The following COL6A5 variants were observed in gnomAD, a reference collection of about 807,000 sequenced individuals.
COL6A5 encodes the protein collagen type VI alpha 5 chain, also known as collagen alpha-5(VI) chain.
Under a neutral mutation model 65.6 loss-of-function variants are expected in COL6A5, and 48 were observed. The ratio of observed to expected loss-of-function variants is 0.73; its 90% CI spans 0.58 to 0.93. COL6A5 has a LOEUF of 0.93. Among genes scored for constraint, COL6A5 ranks in the 40% least tolerant of loss-of-function variants. The pLI is 0.00. For synonymous variants in COL6A5, 291 were observed against 322.8 expected (o/e 0.90, Z 1.05); for missense variants, 914 against 928.3 (o/e 0.98, Z 0.20).
chr3:130,419,724 A>G (rs928540328), intron 25 of COL6A5, among the ~76,000 whole-genome samples: 1 of 152,172 alleles, frequency 6.6e-6, no homozygotes, highest in African/African-American at 2.4e-5. Context: ...AGTCAAAATC[A>G]TAGAAACAGA....
chr3:130,443,979 A>G (rs1709247953), intron 4 of COL6A5, among the ~76,000 whole-genome samples: 1 of 152,134 alleles, frequency 6.6e-6, no homozygotes, highest in South Asian at 2.1e-4. Context: ...AACCCTAGGC[A>G]TCTTTCATGA....
chr3:130,452,571 C>T (rs1056411304), intron 4 of COL6A5, among the ~76,000 whole-genome samples: 1 of 152,092 alleles, frequency 6.6e-6, no homozygotes, highest in African/African-American at 2.4e-5. Flanking sequence ...ACAGAGATCA[C>T]GTACTTCACA....
chr3:130,440,521 C>T (rs756348433), exon 3 of COL6A5: 3 of 1,613,654 alleles, frequency 1.9e-6, no homozygotes, highest in Non-Finnish European at 2.5e-6. Flanking sequence ...TTGGTCGTGC[C>T]CTACTGTGGA....
chr3:130,367,995 A>ATTCT (rs1188551166), intron 1 of COL6A5, among the ~76,000 whole-genome samples: 2 of 152,178 alleles, frequency 1.3e-5, no homozygotes, highest in Non-Finnish European at 2.9e-5. Context: ...CACTTCTCAG[A>ATTCT]TTCTTTACCC....
chr3:130,440,454 T>G (rs924628087), exon 3 of COL6A5: 8 of 1,613,582 alleles, frequency 5.0e-6, no homozygotes, highest in Non-Finnish European at 6.8e-6. Context: ...GACAACCAAC[T>G]CCTAATGAAG....
intron 4 of COL6A5, among the ~76,000 whole-genome samples, chr3:130,453,134 A>G (rs1372517414): frequency 1.3e-5 from 2 of 152,148 alleles, no homozygotes; most frequent in Non-Finnish European, 2.9e-5. Flanking sequence ...CTGAGGTGAC[A>G]TACATCCTCC....
chr3:130,473,276 C>A (rs186265737), intron 7 of COL6A5, among the ~76,000 whole-genome samples: 4 of 151,934 alleles, frequency 2.6e-5, no homozygotes, highest in Non-Finnish European at 5.9e-5. Context: ...CATGAGTTTC[C>A]CATTTTCCTT....
exon 5 of COL6A5, chr3:130,385,083 A>G: frequency 6.4e-7 from 1 of 1,551,008 alleles, no homozygotes; most frequent in Non-Finnish European, 8.7e-7. Flanking sequence ...GCTCTGGATT[A>G]CATACTGCAA....
At chr3:130,421,663 G>T (rs1036381421) in intron 27 of COL6A5, among the ~76,000 whole-genome samples, 7 of 151,840 alleles carry the variant, frequency 4.6e-5, no homozygotes, top group Non-Finnish European at 1.0e-4. Flanking sequence ...CAATACTCTT[G>T]GCTTTGGTTA....
chr3:130,458,406 G>A (rs1378777903), intron 5 of COL6A5, among the ~76,000 whole-genome samples: 1 of 152,072 alleles, frequency 6.6e-6, no homozygotes, highest in South Asian at 2.1e-4. Flanking sequence ...GGTTCTCAAA[G>A]TGTTGTTCCT....
At position 130,379,734 on chromosome 3, in the gene COL6A5, G is replaced by T. The variant is rs763135675; in HGVS notation, c.984G>T (p.Glu328Asp). Residue 328 changes from glutamate (E) to aspartate (D), a missense_variant and NMD_transcript_variant, in exon 4 of 42, where the codon GAG becomes GAT. Coordinates refer to the COL6A5 transcript ENST00000312481. ...AGATGAGAAGAGACGGCTTCTCAGA[G>T]TCATATGGCAGCAGAAGAGCACAAG... is the stretch of plus-strand genomic sequence containing the variant. 24 of 1,551,334 alleles carry T rather than the reference G, an allele frequency of 1.5e-5. No individual in the cohort carries two copies. The South Asian group carries it at 2.7e-4, about 18-fold the overall frequency.
chr3:130,389,184 T>G (rs1225916278), intron 6 of COL6A5, 50 bp downstream of exon 6: 1 of 1,241,466 alleles, frequency 8.1e-7, no homozygotes, highest in Non-Finnish European at 1.0e-6. Context: ...GCTGTTGACT[T>G]TATAATGAGA....
chr3:130,377,678 C>T (rs1485829321), intron 3 of COL6A5, among the ~76,000 whole-genome samples: 2 of 152,176 alleles, frequency 1.3e-5, no homozygotes, highest in Non-Finnish European at 2.9e-5. Flanking sequence ...TGAGTTCAAA[C>T]CCTGGCTTGG....
exon 1 of COL6A5, chr3:130,431,650 T>C: frequency 6.4e-7 from 1 of 1,551,502 alleles, no homozygotes; most frequent in Non-Finnish European, 8.7e-7. Flanking sequence ...AGGCACCAGC[T>C]ATCTCATCCG....
chr3:130,431,948 G>A (rs1937835764), exon 1 of COL6A5: 1 of 1,547,846 alleles, frequency 6.5e-7, no homozygotes, highest in South Asian at 1.2e-5. Flanking sequence ...GAAGCTTTTG[G>A]GGTAAGAATT....
exon 8 of COL6A5, chr3:130,395,125 C>G (rs980202104): frequency 4.5e-6 from 7 of 1,551,636 alleles, no homozygotes; most frequent in Non-Finnish European, 6.1e-6. Flanking sequence ...AGAATGTCTC[C>G]AAGAGCGGTG....
chr3:130,412,079 T>C (rs557637213), intron 20 of COL6A5, among the ~76,000 whole-genome samples: 1 of 152,174 alleles, frequency 6.6e-6, no homozygotes, highest in Admixed American at 6.5e-5. Context: ...GTTTTACCCG[T>C]TGTTCCCAAA....
intron 14 of COL6A5, 105 bp from the exon 15 acceptor site, chr3:130,405,888 C>A: frequency 2.6e-6 from 3 of 1,142,862 alleles, no homozygotes; most frequent in East Asian, 2.6e-5. Flanking sequence ...AGATGTATAG[C>A]CCGAAGCGAC....
upstream of COL6A5, among the ~76,000 whole-genome samples, chr3:130,430,899 C>T (rs1356917961): frequency 1.3e-5 from 2 of 152,128 alleles, no homozygotes; most frequent in Non-Finnish European, 2.9e-5. Flanking sequence ...GCATGCATTT[C>T]ACAGTGAATG....
Sources: gnomAD v4.1 joint callset for allele counts (sites outside exome capture counted in the v4.1 genomes callset) on GRCh38, gnomAD v4.1.1 for gene constraint, MANE v1.5 for transcripts, NCBI Gene and HGNC (gene_info 2026-07-23, HGNC 2026-07-21) for gene names.